MMAA: variants seen among roughly 807,000 people sequenced by gnomAD.
MMAA encodes metabolism of cobalamin associated A.
Under a neutral mutation model 45.0 loss-of-function variants are expected in MMAA, and 41 were observed. The observed-to-expected ratio is 0.91, with a 90% CI of 0.71 to 1.18. The LOEUF (loss-of-function observed/expected upper bound fraction) is 1.18. Among genes scored for constraint, MMAA ranks in the 50% most tolerant of loss-of-function variants. The probability of loss-of-function intolerance (pLI) is 0.00; values close to 1 mark genes in which losing one functional copy is unlikely to be tolerated. For synonymous variants in MMAA, 154 were observed against 178.2 expected (o/e 0.86, Z 1.08); for missense variants, 460 against 495.7 (o/e 0.93, Z 0.68).
Position 145,655,769 on chromosome 4 carries a change from C to G in MMAA, c.*335C>G, listed in dbSNP as rs1005070010. 6 of 179,656 alleles carry G rather than the reference C, an allele frequency of 3.3e-5. No individual in the cohort carries two copies. Among genetic ancestry groups the G allele is most frequent in the Non-Finnish European group, 7.0e-5 (6 of 86,038 alleles). The allele number at this position is 179,656 out of a possible 1,614,324, so 11.1% of individuals were successfully genotyped here. On this transcript the variant is annotated 3_prime_UTR_variant, in exon 7 of 7. Transcript: ENST00000649156. ...GCACTTTAAAATGCTTATTTTGATT[C>G]CATATTATCTGAATTTCCAGAGAGG...
intron 6 of MMAA, 102 bp downstream of exon 6, chr4:145,654,245 A>G (rs1026370614): frequency 5.8e-6 from 8 of 1,367,962 alleles, no homozygotes; most frequent in South Asian, 1.2e-5. Context: ...TCTTGCTTCT[A>G]TGTGAAGATG....
rs570682785 is a variant in MMAA at position 145,648,233 on chromosome 4, C to T, written c.733+2077C>T. 8.6e-5 allele frequency among the ~76,000 whole-genome samples: 13 copies of T among 151,340 alleles called. No individual in the cohort carries two copies. In the South Asian group the frequency reaches 2.5e-3, roughly 29 times the overall value. On this transcript the variant is annotated intron_variant, in intron 4 of 6. Transcript: ENST00000649156. The stretch of plus-strand genomic sequence containing the variant: ...TGCAATCTTGGCTCACTGCAACCTC[C>T]GCCTCCTGGGTTCAAATGATTCTCC...
chr4:145,637,289 C>T (rs559018959), intron 1 of MMAA, among the ~76,000 whole-genome samples: 1 of 152,280 alleles, frequency 6.6e-6, no homozygotes, highest in South Asian at 2.1e-4. Context: ...CCAAAGTAGA[C>T]TCCCTCTTAA....
chr4:145,628,034 G>A (rs1734240968), intron 1 of MMAA, among the ~76,000 whole-genome samples: 1 of 152,152 alleles, frequency 6.6e-6, no homozygotes, highest in Admixed American at 6.5e-5. Flanking sequence ...TGCATTGAAT[G>A]TAACACTGAT....
At chr4:145,651,639 C>T (rs1728092688) in intron 5 of MMAA, among the ~76,000 whole-genome samples, 1 of 152,184 alleles carries the variant, frequency 6.6e-6, no homozygotes, top group African/African-American at 2.4e-5. Context: ...CTGCAAGCTC[C>T]AGGGTTCCCA....
At chr4:145,640,113 G>A (rs1271249454) in intron 2 of MMAA, among the ~76,000 whole-genome samples, 1 of 151,822 alleles carries the variant, frequency 6.6e-6, no homozygotes, top group African/African-American at 2.4e-5. Flanking sequence ...TTTTATTTTT[G>A]TACTTTATTT....
chr4:145,655,501 G>A lies in MMAA; in HGVS notation c.*67G>A, dbSNP rs886059090. 7 of 1,371,950 alleles carry A rather than the reference G, an allele frequency of 5.1e-6. No individual in the cohort carries two copies. Among genetic ancestry groups the A allele is most frequent in the East Asian group, 5.0e-5 (2 of 40,250 alleles). The allele number at this position is 1,371,950 out of a possible 1,614,324, so 85.0% of individuals were successfully genotyped here. ...AAGTATTTTAATAGAAAAATCACTT[G>A]TATGCTTATATTTTCAGTAATTATT... On this transcript the variant is annotated 3_prime_UTR_variant, in exon 7 of 7. Transcript: ENST00000649156.
chr4:145,652,753 A>C lies in MMAA; in HGVS notation c.820-1241A>C, dbSNP rs576917727. On this transcript the variant is annotated intron_variant, in intron 5 of 6. Transcript: ENST00000649156. Reference sequence around the variant, plus strand: ...TCAAAACAACAACAACAACAAAAAAACCCAGGTATAGCCCCAGGCACCTCC... The same window carrying C: ...TCAAAACAACAACAACAACAAAAAACCCCAGGTATAGCCCCAGGCACCTCC... 4.6e-5 allele frequency among the ~76,000 whole-genome samples: 7 copies of C among 151,696 alleles called. No individual in the cohort carries two copies. In the South Asian group the frequency reaches 1.5e-3, roughly 32 times the overall value.
chr4:145,647,406 C>T (rs1208688089), intron 4 of MMAA, among the ~76,000 whole-genome samples: 1 of 152,154 alleles, frequency 6.6e-6, no homozygotes, highest in East Asian at 1.9e-4. Context: ...CAGCATGGTT[C>T]ATAGTTTCAT....
intron 1 of MMAA, among the ~76,000 whole-genome samples, chr4:145,622,337 T>C (rs1288160560): frequency 6.6e-6 from 1 of 152,186 alleles, no homozygotes; most frequent in Non-Finnish European, 1.5e-5. Context: ...TTGTGAGGCT[T>C]CCTCAGCCAC....
At chr4:145,627,901 CTG>C (rs1734237450) in intron 1 of MMAA, among the ~76,000 whole-genome samples, 4 of 152,138 alleles carry the variant, frequency 2.6e-5, no homozygotes, top group Non-Finnish European at 5.9e-5. Flanking sequence ...GATAAAATAT[CTG>C]TGCATGGAAG....
intron 6 of MMAA, among the ~76,000 whole-genome samples, chr4:145,654,936 G>A (rs1248993185): frequency 6.6e-6 from 1 of 152,098 alleles, no homozygotes; most frequent in Non-Finnish European, 1.5e-5. Context: ...CCTTGAATCA[G>A]TGTTTTATTT....
At chr4:145,619,434 C>A (rs1039094431) in intron 1 of MMAA, 27 bp downstream of exon 1, 12 of 152,268 alleles carry the variant, frequency 7.9e-5, no homozygotes, top group African/African-American at 1.2e-4. Flanking sequence ...CGCGCGGCGT[C>A]CAGGAGTCGG....
chr4:145,638,097 TG>T (rs984969298), intron 1 of MMAA, among the ~76,000 whole-genome samples: 1 of 152,088 alleles, frequency 6.6e-6, no homozygotes, highest in African/African-American at 2.4e-5. Context: ...TGGCCGGGCG[TG>T]GGGGCTCATG....
At chr4:145,652,217 A>G (rs1352207796) in intron 5 of MMAA, among the ~76,000 whole-genome samples, 1 of 152,158 alleles carries the variant, frequency 6.6e-6, no homozygotes, top group Non-Finnish European at 1.5e-5. Context: ...GATGTGTATC[A>G]CCAACCAGAA....
At chr4:145,655,031 C>T in intron 6 of MMAA, 116 bp from the exon 7 acceptor site, 1 of 1,094,320 alleles carries the variant, frequency 9.1e-7, no homozygotes, top group Non-Finnish European at 1.3e-6. Context: ...AAATCTCACT[C>T]TTGTCAATTG....
chr4:145,619,522 G>A (rs1734044873), intron 1 of MMAA, 115 bp downstream of exon 1: 1 of 152,260 alleles, frequency 6.6e-6, no homozygotes, highest in African/African-American at 2.4e-5. Flanking sequence ...GAGGATTTGG[G>A]GTGGGGGAAG....
chr4:145,650,793 C>T, intron 4 of MMAA: 1 of 476,470 alleles, frequency 2.1e-6, no homozygotes, highest in East Asian at 3.7e-5. Flanking sequence ...CAAGAAAGAG[C>T]TGTGAGAGTG....
At chr4:145,622,248 G>A (rs1253284920) in intron 1 of MMAA, among the ~76,000 whole-genome samples, 1 of 151,140 alleles carries the variant, frequency 6.6e-6, no homozygotes, top group Non-Finnish European at 1.5e-5. Flanking sequence ...AAAAATGGGA[G>A]TTTCCCTACA....
Sources: allele counts gnomAD v4.1 joint callset (sites outside exome capture counted in the v4.1 genomes callset), GRCh38; gene constraint gnomAD v4.1.1; transcripts MANE v1.5; gene names NCBI Gene and HGNC (gene_info 2026-07-23, HGNC 2026-07-21).